The following JADE1 variants were observed in gnomAD, a reference collection of about 807,000 sequenced individuals.
The protein encoded by JADE1 is jade family PHD finger 1, also known as protein Jade-1.
In JADE1, 14 loss-of-function variants were observed where a neutral mutation model predicts 81.8. The observed-to-expected ratio is 0.17, with a 90% CI of 0.11 to 0.27. JADE1 has a LOEUF of 0.27. Among genes scored for constraint, JADE1 ranks in the 10% least tolerant of loss-of-function variants. JADE1 has a pLI of 1.00. For missense variants in JADE1, 690 were observed against 1,047.9 expected (o/e 0.66, Z 4.71); for synonymous variants, 353 against 391.9 (o/e 0.90, Z 1.17).
chr4:128,852,411 A>G, intron 6 of JADE1, 143 bp downstream of exon 6: 1 of 648,934 alleles, frequency 1.5e-6, no homozygotes, highest in Non-Finnish European at 2.7e-6. Context: ...TATAGACTTT[A>G]TTTTTCCCTA....
At chr4:128,810,727 TGA>T (rs1384140279) in intron 1 of JADE1, among the ~76,000 whole-genome samples, 1 of 10,460 alleles carries the variant, frequency 9.6e-5, no homozygotes, top group African/African-American at 5.0e-4. Context: ...TCAAGGGCAG[TGA>T]GAGGGGGGTG....
At chr4:128,811,812 T>C (rs906561683) in intron 1 of JADE1, 4 of 151,768 alleles carry the variant, frequency 2.6e-5, no homozygotes, top group African/African-American at 9.7e-5. Context: ...CCGCGCCGCC[T>C]TCCTCGCCGG....
At chr4:128,821,161 A>G (rs1051654961) in intron 1 of JADE1, among the ~76,000 whole-genome samples, 2 of 152,226 alleles carry the variant, frequency 1.3e-5, no homozygotes, top group East Asian at 3.8e-4. Flanking sequence ...TTTCAGTGAA[A>G]TGCTTTAAAA....
In JADE1 at chr4:128,848,884, A is replaced by G. The variant is rs17013811; in HGVS notation, c.297-96A>G. On this transcript the variant is annotated intron_variant, in intron 4 of 10. Coordinates refer to ENST00000226319, the MANE Select transcript of JADE1 (RefSeq NM_199320.4). ...GCCTCTGGTGATGACCTGGGGCTCT[A>G]AGGGTTGGAAGAGGAAGACATTTGG... 8,214 of 1,185,866 alleles carry G rather than the reference A, an allele frequency of 6.9e-3. 210 individuals are homozygous for G. The African/African-American group carries it at 0.075, about 11-fold the overall frequency. The allele number at this position is 1,185,866 out of a possible 1,614,324, so 73.5% of individuals were successfully genotyped here. A position where few individuals can be genotyped will look rare whatever the true frequency, so the allele number is the denominator to read the frequency against.
chr4:128,817,267 ACT>A (rs1356272233), intron 1 of JADE1, among the ~76,000 whole-genome samples: 1 of 139,256 alleles, frequency 7.2e-6, no homozygotes, highest in African/African-American at 2.6e-5. Context: ...CTAGTCTTGA[ACT>A]CCAGAGCTGA....
At chr4:128,820,589 C>T (rs753764256) in intron 1 of JADE1, among the ~76,000 whole-genome samples, 15 of 152,016 alleles carry the variant, frequency 9.9e-5, no homozygotes, top group South Asian at 2.1e-4. Flanking sequence ...TGTGATGAAA[C>T]GTTTGTTTTC....
In JADE1 at chr4:128,871,622, T is replaced by A. The variant is rs1732202067; in HGVS notation, c.1889T>A (p.Phe630Tyr). 1 of 1,613,990 alleles carries A rather than the reference T, an allele frequency of 6.2e-7. No homozygotes were observed. The highest frequency in any genetic ancestry group is 1.3e-5 in the African/African-American group (1 of 74,906). ...GAGGGGATGGTGGTCCCAGAGAGCTTTTTGGGTTTAGAAAAGACCTTTGCA... is the reference window on the plus strand; with the variant it reads ...GAGGGGATGGTGGTCCCAGAGAGCTATTTGGGTTTAGAAAAGACCTTTGCA... ...RREGMVVPES[F>Y]LGLEKTFAEA... Residue 630 changes from phenylalanine to tyrosine, a missense_variant, in exon 11 of 11, where the codon TTT becomes TAT. Transcript: ENST00000226319. This position sits in a 1 kb window ranked among gnomAD's most constrained non-coding sequence, Gnocchi z 4.1.
intron 1 of JADE1, among the ~76,000 whole-genome samples, chr4:128,814,569 T>TTC (rs1275529872): frequency 6.9e-6 from 1 of 145,786 alleles, no homozygotes; most frequent in African/African-American, 2.5e-5. Flanking sequence ...GATTTTTTCT[T>TTC]TTTTTTTTTT....
intron 1 of JADE1, among the ~76,000 whole-genome samples, chr4:128,819,432 T>C (rs1727353585): frequency 6.6e-6 from 1 of 152,182 alleles, no homozygotes; most frequent in Admixed American, 6.5e-5. Flanking sequence ...GGATAAAATG[T>C]GTAAGAACAA....
chr4:128,862,247 T>C, intron 9 of JADE1, 22 bp downstream of exon 9: 1 of 1,613,590 alleles, frequency 6.2e-7, no homozygotes, highest in Non-Finnish European at 8.5e-7. Context: ...CACTGACACC[T>C]TATAGTGACT....
At position 128,839,642 on chromosome 4, in the gene JADE1, A is replaced by G. The variant is rs139560788; in HGVS notation, c.53-3311A>G. 9.9e-5 allele frequency among the ~76,000 whole-genome samples: 15 copies of G among 152,230 alleles called. No homozygotes were observed. The East Asian group carries it at 2.9e-3, about 29-fold the overall frequency. ...TTCTAGAGTTGTATGTAAATGGAAT[A>G]ATACAATATGGACTCTTTTTTTTTT... On this transcript the variant is annotated intron_variant, in intron 2 of 10. Coordinates refer to ENST00000226319, the MANE Select transcript of JADE1 (RefSeq NM_199320.4).
chr4:128,840,011 G>A (rs1368326892), intron 2 of JADE1, among the ~76,000 whole-genome samples: 7 of 152,190 alleles, frequency 4.6e-5, no homozygotes, highest in Non-Finnish European at 1.0e-4. Context: ...AGAGGAAAAG[G>A]AACAGACTAT....
intron 3 of JADE1, among the ~76,000 whole-genome samples, chr4:128,843,319 T>G (rs568216808): frequency 2.0e-5 from 3 of 152,328 alleles, no homozygotes; most frequent in Admixed American, 6.5e-5. Context: ...ATTACATTCT[T>G]TTTTTCCTTT....
At chr4:128,849,596 C>T (rs973837903) in intron 5 of JADE1, among the ~76,000 whole-genome samples, 13 of 152,244 alleles carry the variant, frequency 8.5e-5, no homozygotes, top group African/African-American at 3.1e-4. Context: ...CTCCCCATTT[C>T]CAAGCACATC....
At chr4:128,843,077 T>C in intron 3 of JADE1, 39 bp downstream of exon 3, 1 of 1,524,264 alleles carries the variant, frequency 6.6e-7, no homozygotes, top group Non-Finnish European at 9.1e-7. Flanking sequence ...CATGAATATA[T>C]GCTATCCCAT....
intron 2 of JADE1, among the ~76,000 whole-genome samples, chr4:128,841,280 A>C (rs1011232844): frequency 2.6e-5 from 4 of 152,222 alleles, no homozygotes; most frequent in Admixed American, 2.6e-4. Context: ...GAATTATCAG[A>C]AAGTTGGACA....
Position 128,871,323 on chromosome 4 carries a change from A to G in JADE1, c.1622-32A>G. The stretch of plus-strand genomic sequence containing the variant: ...TTCTTTTGGATTTGCTTCTGCTGTA[A>G]TTTTTCTTTATTTGTGGTTTTATGT... On this transcript the variant is annotated intron_variant, in intron 10 of 10. Coordinates refer to ENST00000226319, the MANE Select transcript of JADE1 (RefSeq NM_199320.4). This position sits in a 1 kb window ranked among gnomAD's most constrained non-coding sequence, Gnocchi z 4.1. The G allele has an allele frequency of 1.3e-6, 2 of 1,577,726 alleles. No individual in the cohort carries two copies. The highest frequency in any genetic ancestry group is 8.6e-7 in the Non-Finnish European group (1 of 1,160,914).
chr4:128,813,059 A>G (rs2125781161), intron 1 of JADE1, among the ~76,000 whole-genome samples: 1 of 152,342 alleles, frequency 6.6e-6, no homozygotes, highest in South Asian at 2.1e-4. Context: ...AATACCTTTC[A>G]AAGCTAATGA....
intron 10 of JADE1, among the ~76,000 whole-genome samples, chr4:128,869,291 G>T (rs572519416): frequency 2.0e-5 from 3 of 152,240 alleles, no homozygotes; most frequent in Admixed American, 2.0e-4. Flanking sequence ...TCTAAGTAGG[G>T]TGTCATATGT....
Sources: allele counts gnomAD v4.1 joint callset (sites outside exome capture counted in the v4.1 genomes callset), GRCh38; gene constraint gnomAD v4.1.1; non-coding constraint Gnocchi (gnomAD v3.1); transcripts MANE v1.5; gene names NCBI Gene and HGNC (gene_info 2026-07-23, HGNC 2026-07-21).